BCL2L13: variants seen among roughly 807,000 people sequenced by gnomAD.
BCL2L13 encodes the protein BCL2 like 13.
Under a neutral mutation model 25.8 loss-of-function variants are expected in BCL2L13, and 13 were observed. The ratio of observed to expected loss-of-function variants is 0.50; its 90% confidence interval spans 0.33 to 0.80. The LOEUF is 0.80. Ranked by LOEUF, BCL2L13 falls within the 30% of genes least tolerant of loss-of-function variation. BCL2L13 has a pLI of 0.02. For missense variants in BCL2L13, 504 were observed against 574.9 expected (o/e 0.88, Z 1.26); for synonymous variants, 244 against 230.3 (o/e 1.06, Z -0.54).
intron 1 of BCL2L13, among the ~76,000 whole-genome samples, chr22:17,648,139 G>T (rs540927933): frequency 2.0e-5 from 3 of 151,690 alleles, no homozygotes; most frequent in East Asian, 3.9e-4. Flanking sequence ...AAAAAGAAAT[G>T]CAAAAGTTCA....
chr22:17,695,575 C>T (rs1054604454), intron 4 of BCL2L13, among the ~76,000 whole-genome samples: 1 of 152,066 alleles, frequency 6.6e-6, no homozygotes, highest in African/African-American at 2.4e-5. Flanking sequence ...CTGCCTCGGC[C>T]TCTCAAAGTG....
intron 5 of BCL2L13, among the ~76,000 whole-genome samples, chr22:17,701,898 A>G (rs1401551966): frequency 6.7e-6 from 1 of 149,168 alleles, no homozygotes; most frequent in Admixed American, 6.8e-5. Context: ...CCTGGATGAA[A>G]GAGCGAGACT....
chr22:17,669,803 AGCCCCCTC>A (rs1390782749), intron 2 of BCL2L13, among the ~76,000 whole-genome samples: 1 of 152,208 alleles, frequency 6.6e-6, no homozygotes, highest in Non-Finnish European at 1.5e-5. Context: ...TAGCATGCTC[AGCCCCCTC>A]GCCATGTAAT....
At chr22:17,672,103 A>G (rs1017054958) in intron 2 of BCL2L13, among the ~76,000 whole-genome samples, 8 of 152,216 alleles carry the variant, frequency 5.3e-5, no homozygotes, top group African/African-American at 1.7e-4. Context: ...CATTCTGTCT[A>G]TATGTTCAAT....
At chr22:17,648,270 T>C (rs866028894) in intron 1 of BCL2L13, among the ~76,000 whole-genome samples, 2 of 152,184 alleles carry the variant, frequency 1.3e-5, no homozygotes, top group African/African-American at 4.8e-5. Context: ...TGGCCTGTTA[T>C]CAATACCTTT....
intron 1 of BCL2L13, among the ~76,000 whole-genome samples, chr22:17,640,168 A>C (rs376237805): frequency 8.7e-5 from 13 of 149,268 alleles, no homozygotes; most frequent in Non-Finnish European, 1.3e-4. Context: ...CTTTTTTTCA[A>C]CCACCCCCGC....
upstream of BCL2L13, among the ~76,000 whole-genome samples, chr22:17,635,929 T>C (rs1000532263): frequency 1.3e-5 from 2 of 150,548 alleles, no homozygotes; most frequent in Non-Finnish European, 3.0e-5. Flanking sequence ...CAGGATGGTC[T>C]CCATCTCCTG....
At chr22:17,685,773 T>C (rs2059916155) in intron 3 of BCL2L13, among the ~76,000 whole-genome samples, 1 of 111,798 alleles carries the variant, frequency 8.9e-6, no homozygotes, top group South Asian at 3.5e-4. Flanking sequence ...TTTTTTTTTT[T>C]TTTTTTTTTT....
intron 6 of BCL2L13, chr22:17,706,838 T>A (rs1447612140): frequency 7.4e-7 from 1 of 1,351,848 alleles, no homozygotes. Flanking sequence ...AAGGCTTGTA[T>A]TTTACTTTCT....
At chr22:17,717,813 G>A (rs554480194) in intron 6 of BCL2L13, among the ~76,000 whole-genome samples, 3 of 152,180 alleles carry the variant, frequency 2.0e-5, no homozygotes, top group East Asian at 3.9e-4. Context: ...GAGGCCAGGC[G>A]TGGTGGCTCA....
intron 5 of BCL2L13, among the ~76,000 whole-genome samples, chr22:17,698,462 T>G (rs2060331943): frequency 6.8e-6 from 1 of 147,504 alleles, no homozygotes; most frequent in Admixed American, 7.1e-5. Flanking sequence ...AGCTCACACC[T>G]GTAATCCCAG....
chr22:17,684,634 G>GC (rs1432504402), intron 3 of BCL2L13: 3 of 453,478 alleles, frequency 6.6e-6, no homozygotes, highest in Non-Finnish European at 1.3e-5. Context: ...CACCATCTCG[G>GC]CCCACCACAA....
intron 2 of BCL2L13, 98 bp downstream of exon 2, chr22:17,655,930 T>A (rs994217542): frequency 8.1e-7 from 1 of 1,238,822 alleles, no homozygotes; most frequent in Middle Eastern, 2.9e-4. Flanking sequence ...TATCAAATAG[T>A]ACTAATAAGC....
intron 1 of BCL2L13, among the ~76,000 whole-genome samples, chr22:17,639,980 G>A (rs1490980914): frequency 1.3e-5 from 2 of 151,712 alleles, no homozygotes; most frequent in Non-Finnish European, 2.9e-5. Flanking sequence ...TCAGCCTCCC[G>A]AGTAGCTGGG....
intron 2 of BCL2L13, among the ~76,000 whole-genome samples, chr22:17,681,147 C>G (rs1205669157): frequency 1.3e-5 from 2 of 152,024 alleles, no homozygotes; most frequent in African/African-American, 4.8e-5. Context: ...AGTACATTAG[C>G]CAAATGAAAG....
chr22:17,650,173 T>C (rs1359488694), intron 1 of BCL2L13, among the ~76,000 whole-genome samples: 1 of 152,112 alleles, frequency 6.6e-6, no homozygotes, highest in East Asian at 1.9e-4. Flanking sequence ...CCCGGCTGAC[T>C]CTTCTTATTT....
chr22:17,694,517 A>AT (rs899461379), intron 4 of BCL2L13, among the ~76,000 whole-genome samples: 10 of 149,216 alleles, frequency 6.7e-5, no homozygotes, highest in South Asian at 4.2e-4. Context: ...AAAAAAAAAA[A>AT]TTTTTTTTTA....
chr22:17,637,344 T>G (rs2058127597), upstream of BCL2L13, among the ~76,000 whole-genome samples: 1 of 149,186 alleles, frequency 6.7e-6, no homozygotes, highest in African/African-American at 2.5e-5. Flanking sequence ...AAGGCAGAGG[T>G]TGCAGTGAGC....
chr22:17,677,614 C>T (rs1431551207), intron 2 of BCL2L13, among the ~76,000 whole-genome samples: 2 of 152,106 alleles, frequency 1.3e-5, no homozygotes, highest in Non-Finnish European at 2.9e-5. Context: ...TGGCTCACAC[C>T]TGTAATCCCA....
Sources: gnomAD v4.1 joint callset for allele counts (sites outside exome capture counted in the v4.1 genomes callset) on GRCh38, gnomAD v4.1.1 for gene constraint, MANE v1.5 for transcripts, NCBI Gene and HGNC (gene_info 2026-07-23, HGNC 2026-07-21) for gene names.